Variants in PGBD5 observed in about 807,000 individuals in gnomAD.
PGBD5 encodes piggyBac transposable element derived 5.
In PGBD5, 14 loss-of-function variants were observed where a neutral mutation model predicts 47.9. That is an observed-to-expected ratio of 0.29 (90% CI 0.19 to 0.46). The LOEUF (loss-of-function observed/expected upper bound fraction) is 0.46, where lower values mean the gene tolerates loss of function less well. PGBD5 is among the 20% of genes least tolerant of loss of function. PGBD5 has a pLI of 1.00. For missense variants in PGBD5, 635 were observed against 716.0 expected (o/e 0.89, Z 1.29); for synonymous variants, 316 against 306.3 (o/e 1.03, Z -0.33).
chr1:230,382,885 C>T (rs1453981606), intron 1 of PGBD5, among the ~76,000 whole-genome samples: 5 of 151,964 alleles, frequency 3.3e-5, no homozygotes, highest in Admixed American at 6.6e-5. Flanking sequence ...GAGGAATGTT[C>T]AAGGAGGGAT....
intron 1 of PGBD5, among the ~76,000 whole-genome samples, chr1:230,386,877 A>C (rs927008401): frequency 6.6e-6 from 1 of 152,226 alleles, no homozygotes; most frequent in Non-Finnish European, 1.5e-5. Flanking sequence ...ATTTTGGAAA[A>C]GGAAGCCTGA....
chr1:230,332,629 C>CG (rs1667237914), intron 5 of PGBD5, among the ~76,000 whole-genome samples: 1 of 152,168 alleles, frequency 6.6e-6, no homozygotes. Context: ...AAGCTTACAA[C>CG]GAACAGGGAG....
intron 1 of PGBD5, among the ~76,000 whole-genome samples, chr1:230,400,627 C>T (rs545148919): frequency 6.6e-6 from 1 of 152,148 alleles, no homozygotes; most frequent in Admixed American, 6.5e-5. Context: ...CTCAGTATTT[C>T]TCATGTGCCA....
At chr1:230,373,440 T>C (rs1262522424) in intron 1 of PGBD5, among the ~76,000 whole-genome samples, 1 of 151,880 alleles carries the variant, frequency 6.6e-6, no homozygotes, top group Non-Finnish European at 1.5e-5. Flanking sequence ...CTGCCATGGG[T>C]GAGGGGGACG....
chr1:230,387,155 G>A (rs1656661144), intron 1 of PGBD5, among the ~76,000 whole-genome samples: 2 of 152,190 alleles, frequency 1.3e-5, no homozygotes, highest in Admixed American at 1.3e-4. Context: ...GAAATGGTAT[G>A]TGGAGTGTCA....
chr1:230,368,066 T>C, intron 1 of PGBD5: 1 of 1,367,896 alleles, frequency 7.3e-7, no homozygotes, highest in South Asian at 1.1e-5. Flanking sequence ...GCTGGGTCTT[T>C]TTAGCTCTGT....
At chr1:230,359,495 T>C (rs569462946) in intron 1 of PGBD5, among the ~76,000 whole-genome samples, 1 of 152,310 alleles carries the variant, frequency 6.6e-6, no homozygotes, top group South Asian at 2.1e-4. Context: ...AGAGAGATAA[T>C]GTGTATGAGA....
intron 1 of PGBD5, among the ~76,000 whole-genome samples, chr1:230,403,722 G>C (rs988589890): frequency 6.6e-6 from 1 of 152,176 alleles, no homozygotes; most frequent in African/African-American, 2.4e-5. Flanking sequence ...CAGAAGAGCC[G>C]CCTTCTCTCC....
At chr1:230,405,814 G>A (rs1212608865) in intron 1 of PGBD5, among the ~76,000 whole-genome samples, 1 of 152,218 alleles carries the variant, frequency 6.6e-6, no homozygotes, top group Non-Finnish European at 1.5e-5. Flanking sequence ...TTTCAATGTT[G>A]TTTCTGACAC....
chr1:230,330,282 A>G (rs572673246), intron 5 of PGBD5, among the ~76,000 whole-genome samples: 1 of 152,350 alleles, frequency 6.6e-6, no homozygotes, highest in Non-Finnish European at 1.5e-5. Flanking sequence ...CTGCGATGGT[A>G]GAGAAGTACA....
chr1:230,387,934 C>T (rs985385176), intron 1 of PGBD5, among the ~76,000 whole-genome samples: 2 of 152,058 alleles, frequency 1.3e-5, no homozygotes, highest in African/African-American at 4.8e-5. Context: ...GATGTGGCAG[C>T]AAAGGAGGGG....
intron 4 of PGBD5, 107 bp from the exon 5 acceptor site, chr1:230,333,148 G>A: frequency 2.5e-6 from 3 of 1,214,482 alleles, no homozygotes; most frequent in South Asian, 1.5e-5. Context: ...CCGGTTCTGA[G>A]GCTGATGCTT....
intron 1 of PGBD5, chr1:230,367,904 C>G (rs1312920866): frequency 4.5e-6 from 6 of 1,330,918 alleles, no homozygotes; most frequent in Non-Finnish European, 6.0e-6. Context: ...CAGGTGAATG[C>G]AGAGGCTCGG....
In PGBD5 at chr1:230,332,886, G is replaced by T; in HGVS notation, c.1231C>A (p.His411Asn). Reference protein sequence around the residue: ...MSLICWYNKGHFRFLTNAYSP... With the variant: ...MSLICWYNKGNFRFLTNAYSP... Reference sequence around the variant, plus strand: ...TAGGCGTTGGTCAGGAAGCGGAAGTGTCCTTTGTTGTACCAGCAGATCAAG... The same window carrying T: ...TAGGCGTTGGTCAGGAAGCGGAAGTTTCCTTTGTTGTACCAGCAGATCAAG... Residue 411 changes from histidine (H) to asparagine (N), a missense_variant, in exon 5 of 7, where the codon CAC becomes AAC. Physicochemically the swap from His to Asn is moderately conservative, Grantham distance 68. Transcript: ENST00000391860. 1 of 1,614,216 alleles carries T rather than the reference G, an allele frequency of 6.2e-7. No homozygotes were observed. Among genetic ancestry groups the T allele is most frequent in the Non-Finnish European group, 8.5e-7 (1 of 1,180,038 alleles).
At chr1:230,381,402 T>C (rs1389538911) in intron 1 of PGBD5, among the ~76,000 whole-genome samples, 1 of 152,228 alleles carries the variant, frequency 6.6e-6, no homozygotes, top group Non-Finnish European at 1.5e-5. Flanking sequence ...CCTTCCCAGA[T>C]GGCCTGCCGT....
chr1:230,413,751 C>T (rs1317160202), intron 1 of PGBD5, among the ~76,000 whole-genome samples: 1 of 152,130 alleles, frequency 6.6e-6, no homozygotes, highest in Non-Finnish European at 1.5e-5. Flanking sequence ...ACAACCTGCT[C>T]GTGTCAGCAC....
intron 2 of PGBD5, among the ~76,000 whole-genome samples, chr1:230,352,782 A>G (rs933909178): frequency 6.6e-6 from 1 of 152,158 alleles, no homozygotes; most frequent in African/African-American, 2.4e-5. Flanking sequence ...TTCAAGTGCA[A>G]TGAACAAGTC....
rs571547421 is a variant in PGBD5 at position 230,357,761 on chromosome 1, T to C, written c.332-440A>G. 6.6e-6 allele frequency among the ~76,000 whole-genome samples: 1 copy of C among 152,264 alleles called. No homozygotes were observed. The highest frequency in any genetic ancestry group is 2.4e-5 in the African/African-American group (1 of 41,540). On this transcript the variant is annotated intron_variant, in intron 1 of 6. Coordinates refer to ENST00000391860, the MANE Select transcript of PGBD5 (RefSeq NM_001258311.2). This position sits in a 1 kb window ranked among gnomAD's most constrained non-coding sequence, Gnocchi z 5.7. ...CTCGGGGCACAAGCCGAGTCTTAAC[T>C]AGAGATGTACACACACACATAAATG...
At chr1:230,356,315 G>A (rs7542805) in intron 2 of PGBD5, among the ~76,000 whole-genome samples, 11,027 of 152,180 alleles carry the variant, frequency 0.072, 1,338 homozygotes, top group African/African-American at 0.25. Flanking sequence ...AAGGGGCTCG[G>A]GAGCTGAGAG....
Sources: allele counts gnomAD v4.1 joint callset (sites outside exome capture counted in the v4.1 genomes callset), GRCh38; gene constraint gnomAD v4.1.1; non-coding constraint Gnocchi (gnomAD v3.1); transcripts MANE v1.5; gene names NCBI Gene and HGNC (gene_info 2026-07-23, HGNC 2026-07-21).